Variants in ENOX1 observed in about 807,000 individuals in gnomAD.
ENOX1 encodes ecto-NOX disulfide-thiol exchanger 1.
Under a neutral mutation model 82.5 loss-of-function variants are expected in ENOX1, and 42 were observed. The observed-to-expected ratio is 0.51, with a 90% CI of 0.40 to 0.66. ENOX1 has a LOEUF of 0.66. ENOX1 is among the 30% of genes least tolerant of loss of function. ENOX1 has a pLI of 0.00. For missense variants in ENOX1, 608 were observed against 811.6 expected (o/e 0.75, Z 3.05); for synonymous variants, 271 against 282.2 (o/e 0.96, Z 0.40).
chr13:43,741,818 C>G (rs1004714941), intron 1 of ENOX1, among the ~76,000 whole-genome samples: 7 of 152,104 alleles, frequency 4.6e-5, no homozygotes, highest in Admixed American at 4.6e-4. Flanking sequence ...GTTGCCTAAT[C>G]CAAGATCATG....
intron 1 of ENOX1, among the ~76,000 whole-genome samples, chr13:43,673,427 C>T (rs1208712836): frequency 6.6e-6 from 1 of 152,152 alleles, no homozygotes; most frequent in Non-Finnish European, 1.5e-5. Flanking sequence ...GTGAATGCCT[C>T]TATAAGAGAT....
chr13:43,707,157 T>G (rs2087349940), intron 1 of ENOX1, among the ~76,000 whole-genome samples: 1 of 151,932 alleles, frequency 6.6e-6, no homozygotes, highest in Non-Finnish European at 1.5e-5. Flanking sequence ...ACGATACTAT[T>G]AAAAATTGCA....
At chr13:43,231,330 G>A (rs2153456214) in intron 15 of ENOX1, among the ~76,000 whole-genome samples, 1 of 152,336 alleles carries the variant, frequency 6.6e-6, no homozygotes, top group South Asian at 2.1e-4. Context: ...GTGGGCAGCT[G>A]CAGAGTGATG....
At chr13:43,565,918 T>C (rs1036972938) in intron 2 of ENOX1, among the ~76,000 whole-genome samples, 1 of 152,208 alleles carries the variant, frequency 6.6e-6, no homozygotes, top group Non-Finnish European at 1.5e-5. Context: ...CACTGATGGA[T>C]AGAAAATGAA....
chr13:43,256,528 T>C (rs1198675462), intron 14 of ENOX1, among the ~76,000 whole-genome samples: 2 of 151,866 alleles, frequency 1.3e-5, no homozygotes, highest in African/African-American at 2.4e-5. Flanking sequence ...AAAGAGGACA[T>C]ACAAATGGCC....
At chr13:43,532,814 A>G (rs1373997090) in intron 2 of ENOX1, among the ~76,000 whole-genome samples, 17 of 151,802 alleles carry the variant, frequency 1.1e-4, no homozygotes, top group Admixed American at 1.1e-3. Context: ...GTTTTCAAAA[A>G]TATATTTTTA....
chr13:43,677,902 A>G (rs2085590549), intron 1 of ENOX1, among the ~76,000 whole-genome samples: 1 of 152,116 alleles, frequency 6.6e-6, no homozygotes, highest in Admixed American at 6.5e-5. Context: ...GTTTCATTTT[A>G]TTTTAAATTG....
intron 2 of ENOX1, among the ~76,000 whole-genome samples, chr13:43,651,560 G>A (rs2084170696): frequency 6.6e-6 from 1 of 151,798 alleles, no homozygotes; most frequent in Admixed American, 6.6e-5. Context: ...AGCTGAGTGT[G>A]GTGGCAGGAA....
chr13:43,354,469 C>CT (rs560964401), intron 8 of ENOX1, among the ~76,000 whole-genome samples: 14,538 of 139,284 alleles, frequency 0.1, 1,270 homozygotes, highest in African/African-American at 0.23. Context: ...CCGCTGCCAC[C>CT]TTTTTTTTTT....
At chr13:43,217,785 G>C (rs1267308200) in intron 16 of ENOX1, among the ~76,000 whole-genome samples, 29 of 152,176 alleles carry the variant, frequency 1.9e-4, no homozygotes. Context: ...CTGAGGACTT[G>C]GTTTGTGTGC....
intron 2 of ENOX1, among the ~76,000 whole-genome samples, chr13:43,609,140 CTG>C (rs1329139399): frequency 6.6e-6 from 1 of 152,178 alleles, no homozygotes; most frequent in Non-Finnish European, 1.5e-5. Flanking sequence ...TTTCCTGTCT[CTG>C]TGTCTTTTTA....
chr13:43,294,681 G>C (rs2046193044), intron 12 of ENOX1, among the ~76,000 whole-genome samples: 1 of 152,162 alleles, frequency 6.6e-6, no homozygotes, highest in African/African-American at 2.4e-5. Context: ...GTAAGTGAAT[G>C]TTTATAGCAG....
intron 16 of ENOX1, among the ~76,000 whole-genome samples, chr13:43,221,209 G>C (rs2041768976): frequency 6.6e-6 from 1 of 152,320 alleles, no homozygotes; most frequent in South Asian, 2.1e-4. Context: ...GGTGTGTAGA[G>C]GGGGCAACCA....
At chr13:43,396,449 G>A (rs902573576) in intron 5 of ENOX1, among the ~76,000 whole-genome samples, 4 of 152,114 alleles carry the variant, frequency 2.6e-5, no homozygotes, top group East Asian at 1.9e-4. Context: ...GCACCATCTC[G>A]GCTCACTGCA....
chr13:43,566,522 T>C (rs1384402523), intron 2 of ENOX1, among the ~76,000 whole-genome samples: 2 of 152,082 alleles, frequency 1.3e-5, no homozygotes, highest in African/African-American at 4.8e-5. Flanking sequence ...AATATACAAA[T>C]TGTTATTTTC....
At chr13:43,508,528 A>G (rs1435981134) in intron 2 of ENOX1, among the ~76,000 whole-genome samples, 1 of 151,896 alleles carries the variant, frequency 6.6e-6, no homozygotes. Flanking sequence ...TATATGATTG[A>G]GATAGAAATG....
chr13:43,364,671 T>C (rs963664682), intron 5 of ENOX1, among the ~76,000 whole-genome samples: 3 of 147,008 alleles, frequency 2.0e-5, no homozygotes, highest in African/African-American at 7.6e-5. Context: ...GCAGTTGAAT[T>C]AATTAAAGCA....
At chr13:43,537,123 C>A (rs2078495523) in intron 2 of ENOX1, among the ~76,000 whole-genome samples, 1 of 152,120 alleles carries the variant, frequency 6.6e-6, no homozygotes, top group African/African-American at 2.4e-5. Flanking sequence ...AAATGCAGAG[C>A]TAATAATTCA....
At chr13:43,491,491 G>A (rs1159747394) in intron 2 of ENOX1, among the ~76,000 whole-genome samples, 1 of 152,202 alleles carries the variant, frequency 6.6e-6, no homozygotes, top group Non-Finnish European at 1.5e-5. Context: ...AAATAAGGCA[G>A]GGCACTGTGG....
Sources: gnomAD v4.1 joint callset for allele counts (sites outside exome capture counted in the v4.1 genomes callset) on GRCh38, gnomAD v4.1.1 for gene constraint, MANE v1.5 for transcripts, NCBI Gene and HGNC (gene_info 2026-07-23, HGNC 2026-07-21) for gene names.